MS4A15: variants seen among roughly 807,000 people sequenced by gnomAD.
MS4A15 encodes the protein membrane spanning 4-domains A15.
A neutral mutation model predicts 20.6 loss-of-function variants in MS4A15; 22 were observed. The observed-to-expected ratio is 1.07, with a 90% CI of 0.76 to 1.52. The LOEUF is 1.52. Among genes scored for constraint, MS4A15 ranks in the 40% most tolerant of loss-of-function variants. MS4A15 has a pLI of 0.00. For synonymous variants in MS4A15, 129 were observed against 129.3 expected (o/e 1.00, Z 0.02); for missense variants, 312 against 323.0 (o/e 0.97, Z 0.26).
At chr11:60,772,899 G>A (rs1393842400) in intron 4 of MS4A15, among the ~76,000 whole-genome samples, 1 of 152,086 alleles carries the variant, frequency 6.6e-6, no homozygotes, top group East Asian at 1.9e-4. Flanking sequence ...TGCCCCACCA[G>A]TGTCTGCAGT....
chr11:60,765,026 T>C (rs1312972348), intron 2 of MS4A15, among the ~76,000 whole-genome samples: 1 of 152,188 alleles, frequency 6.6e-6, no homozygotes, highest in Non-Finnish European at 1.5e-5. Flanking sequence ...GAGAGCTCCA[T>C]CCAGCTGTGT....
At chr11:60,768,744 G>A (rs977448827) in intron 3 of MS4A15, among the ~76,000 whole-genome samples, 3 of 152,182 alleles carry the variant, frequency 2.0e-5, no homozygotes, top group South Asian at 2.1e-4. Flanking sequence ...GATTACTAAC[G>A]CTAAAATTCT....
At position 60,776,336 on chromosome 11, in the gene MS4A15, A is replaced by C. The variant is rs1275087773; in HGVS notation, c.*621A>C. On this transcript the variant is annotated 3_prime_UTR_variant, in exon 7 of 7. Transcript: ENST00000405633. ...CCAGGCTCCCTGAAGTCCTGGGTCT[A>C]GGCCAGGCATTGTCCCCCTGCTTCC... 6.6e-6 allele frequency: 1 copy of C among 152,354 alleles called. No homozygotes were observed. The highest frequency in any genetic ancestry group is 1.9e-4 in the East Asian group (1 of 5,194). 9.4% of individuals were successfully genotyped at this position (152,354 alleles called of 1,614,324 possible).
chr11:60,759,107 T>C (rs544810621), intron 1 of MS4A15, among the ~76,000 whole-genome samples: 6 of 152,352 alleles, frequency 3.9e-5, no homozygotes, highest in Non-Finnish European at 5.9e-5. Flanking sequence ...GTGACCATCA[T>C]TGTGGGGAAA....
intron 3 of MS4A15, among the ~76,000 whole-genome samples, chr11:60,769,225 G>C (rs1422912205): frequency 6.6e-6 from 1 of 152,196 alleles, no homozygotes; most frequent in Non-Finnish European, 1.5e-5. Flanking sequence ...GGGAGATCCT[G>C]ACAGGACACC....
At chr11:60,775,283 C>A (rs1854160046) in intron 6 of MS4A15, among the ~76,000 whole-genome samples, 1 of 151,260 alleles carries the variant, frequency 6.6e-6, no homozygotes. Flanking sequence ...CGCCATTGCA[C>A]TCCAGCCTGG....
chr11:60,763,793 T>C lies in MS4A15; in HGVS notation c.60T>C (p.Ser20=). The C allele has an allele frequency of 1.9e-6, 3 of 1,612,408 alleles. No homozygotes were observed. Among genetic ancestry groups the C allele is most frequent in the Non-Finnish European group, 2.5e-6 (3 of 1,179,888 alleles). The change falls in exon 2 of 7, where the codon AGT becomes AGC. Residue 20 remains serine (S), a synonymous_variant. Transcript: ENST00000405633. ...TTGTCATCCCGCCAAACAACGCCAGTGGCCTCTGCCCACCTCCGGCCATTC... is the reference window on the plus strand; with the variant it reads ...TTGTCATCCCGCCAAACAACGCCAGCGGCCTCTGCCCACCTCCGGCCATTC... ...VFVVIPPNNA[S]GLCPPPAILP...
At chr11:60,768,584 C>G (rs1407545167) in intron 3 of MS4A15, among the ~76,000 whole-genome samples, 1 of 152,200 alleles carries the variant, frequency 6.6e-6, no homozygotes, top group African/African-American at 2.4e-5. Flanking sequence ...GTCTGAATCT[C>G]AGCTTCACCG....
chr11:60,768,885 G>A (rs933868297), intron 3 of MS4A15, among the ~76,000 whole-genome samples: 1 of 152,222 alleles, frequency 6.6e-6, no homozygotes, highest in African/African-American at 2.4e-5. Flanking sequence ...TGCCCAGGCT[G>A]CCTCCAGCAA....
rs776197871 is a variant in MS4A15, at chr11:60,763,989, C to T, written c.225+31C>T. 4 of 1,577,950 alleles carry T rather than the reference C, an allele frequency of 2.5e-6. No individual in the cohort carries two copies. In the South Asian group the frequency reaches 4.5e-5, roughly 18 times the overall value. On this transcript the variant is annotated intron_variant, in intron 2 of 6. Coordinates refer to ENST00000405633, the MANE Select transcript of MS4A15 (RefSeq NM_001098835.2). The stretch of plus-strand genomic sequence containing the variant: ...AACAGCCTCTCTGCACAACCTGAGG[C>T]AGGTAGTGAGTATCCCAGCACCGGA...
chr11:60,775,475 G>A (rs1854167786), intron 6 of MS4A15, 130 bp from the exon 7 acceptor site: 1 of 696,964 alleles, frequency 1.4e-6, no homozygotes, highest in Non-Finnish European at 2.5e-6. Flanking sequence ...AGAGCCCTGA[G>A]CATGCGATTC....
intron 6 of MS4A15, 32 bp from the exon 7 acceptor site, chr11:60,775,573 C>G: frequency 6.3e-7 from 1 of 1,586,086 alleles, no homozygotes; most frequent in Non-Finnish European, 8.7e-7. Flanking sequence ...CTCCAGCGTC[C>G]TCCAGGACGC....
At chr11:60,769,696 C>A (rs1015485333) in intron 3 of MS4A15, among the ~76,000 whole-genome samples, 1 of 152,164 alleles carries the variant, frequency 6.6e-6, no homozygotes, top group African/African-American at 2.4e-5. Context: ...CAGCAAATGG[C>A]ACCTCCAGCC....
intron 4 of MS4A15, 148 bp downstream of exon 4, chr11:60,771,495 G>C (rs1254784739): frequency 6.5e-7 from 1 of 1,539,246 alleles, no homozygotes; most frequent in Admixed American, 2.0e-5. Flanking sequence ...CACCACCCAG[G>C]CAGACCAGAC....
intron 1 of MS4A15, among the ~76,000 whole-genome samples, chr11:60,758,363 T>C (rs1444690115): frequency 2.0e-5 from 3 of 152,210 alleles, no homozygotes; most frequent in Non-Finnish European, 2.9e-5. Flanking sequence ...CAAGCTGCAA[T>C]TGAAAAACAG....
At chr11:60,771,822 G>C in intron 4 of MS4A15, 8 of 1,182,322 alleles carry the variant, frequency 6.8e-6, no homozygotes, top group Non-Finnish European at 8.6e-6. Flanking sequence ...GGGCTGGATT[G>C]TGGAGGGCTT....
At chr11:60,768,664 G>T (rs959136924) in intron 3 of MS4A15, among the ~76,000 whole-genome samples, 2 of 152,208 alleles carry the variant, frequency 1.3e-5, no homozygotes, top group Non-Finnish European at 2.9e-5. Context: ...TAAAACTTGG[G>T]CTCATAGATC....
chr11:60,760,366 C>T (rs570776873), intron 1 of MS4A15, among the ~76,000 whole-genome samples: 76 of 152,324 alleles, frequency 5.0e-4, no homozygotes, highest in African/African-American at 1.8e-3. Flanking sequence ...CATTCTCTTT[C>T]CCCTTTTTCC....
At chr11:60,760,332 A>G (rs1202488322) in intron 1 of MS4A15, among the ~76,000 whole-genome samples, 1 of 152,238 alleles carries the variant, frequency 6.6e-6, no homozygotes, top group Non-Finnish European at 1.5e-5. Flanking sequence ...CATGATTATT[A>G]AAACTTATCC....
Sources: allele counts gnomAD v4.1 joint callset (sites outside exome capture counted in the v4.1 genomes callset), GRCh38; gene constraint gnomAD v4.1.1; transcripts MANE v1.5; gene names NCBI Gene and HGNC (gene_info 2026-07-23, HGNC 2026-07-21).